Variants in NBPF12 observed in about 807,000 individuals in gnomAD.
NBPF12 encodes the protein NBPF family member NBPF12.
A neutral mutation model predicts 146.4 loss-of-function variants in NBPF12; 115 were observed. That is an observed-to-expected ratio of 0.79 (90% CI 0.68 to 0.92). The LOEUF is 0.92. Ranked by LOEUF, NBPF12 falls within the 40% of genes least tolerant of loss-of-function variation. The probability of loss-of-function intolerance (pLI) is 0.00; values close to 1 mark genes in which losing one functional copy is unlikely to be tolerated. For missense variants in NBPF12, 1,205 were observed against 1,326.8 expected (o/e 0.91, Z 1.43); for synonymous variants, 385 against 508.9 (o/e 0.76, Z 3.28).
exon 7 of NBPF12, chr1:146,964,364 T>A (rs1553885236): frequency 6.3e-7 from 1 of 1,588,414 alleles, no homozygotes; most frequent in Non-Finnish European, 8.6e-7. Context: ...TAGAAAATGA[T>A]GAAGATGAGG....
chr1:146,950,671 ATGT>A (rs1282983234), intron 1 of NBPF12, among the ~76,000 whole-genome samples: 1 of 152,062 alleles, frequency 6.6e-6, no homozygotes, highest in Non-Finnish European at 1.5e-5. Flanking sequence ...AGATTCATCC[ATGT>A]TGTTTTGTGT....
chr1:146,960,604 G>A (rs1171224649), intron 4 of NBPF12, among the ~76,000 whole-genome samples: 2,464 of 151,494 alleles, frequency 0.016, 78 homozygotes, highest in African/African-American at 0.057. Flanking sequence ...AGGCTCAATC[G>A]TGTTTTCAAG....
At chr1:146,984,614 T>TGTGTGTGTGTGTGTGTGC (rs1657624452) in intron 21 of NBPF12, among the ~76,000 whole-genome samples, 199 bp from the exon 25 acceptor site, 1 of 144,010 alleles carries the variant, frequency 6.9e-6, no homozygotes, top group Non-Finnish European at 1.5e-5. Context: ...TGTGTGTGTG[T>TGTGTGTGTGTGTGTGTGC]GTGTGTGTGT....
chr1:146,994,707 A>G, exon 34 of NBPF12: 1 of 1,451,034 alleles, frequency 6.9e-7, no homozygotes, highest in Non-Finnish European at 9.2e-7. Flanking sequence ...CTCTATTCCT[A>G]TTCTCAGAGC....
intron 19 of NBPF12, among the ~76,000 whole-genome samples, chr1:146,979,586 C>CA (rs1453842255): frequency 6.1e-5 from 1 of 16,320 alleles, no homozygotes; most frequent in African/African-American, 3.9e-4. Flanking sequence ...TCCCAGTAGT[C>CA]ATTCAGGAGC....
intron 10 of NBPF12, among the ~76,000 whole-genome samples, chr1:146,968,879 A>T (rs1656378606): frequency 6.6e-6 from 1 of 151,078 alleles, no homozygotes; most frequent in African/African-American, 2.5e-5. Context: ...GACCCCACTT[A>T]CCCTTAGTGA....
At chr1:146,949,796 C>T (rs1388563856) in intron 1 of NBPF12, among the ~76,000 whole-genome samples, 2 of 151,924 alleles carry the variant, frequency 1.3e-5, no homozygotes, top group South Asian at 4.2e-4. Context: ...AGCAGGGAGA[C>T]ACTCTACTCT....
intron 13 of NBPF12, 70 bp from the exon 17 acceptor site, chr1:146,972,681 C>T (rs1164364726): frequency 2.4e-6 from 3 of 1,230,798 alleles, no homozygotes; most frequent in East Asian, 2.3e-5. Flanking sequence ...TGACATCCCT[C>T]AGTCCTGATT....
chr1:146,962,892 T>C (rs1386182564), intron 5 of NBPF12, among the ~76,000 whole-genome samples: 2 of 151,442 alleles, frequency 1.3e-5, no homozygotes, highest in East Asian at 1.9e-4. Context: ...ATCGAGGATC[T>C]TGCAGGAGCC....
exon 28 of NBPF12, chr1:146,989,616 G>A (rs1458349575): frequency 6.2e-7 from 1 of 1,602,774 alleles, no homozygotes; most frequent in African/African-American, 1.3e-5. Flanking sequence ...CTGAAGTCTT[G>A]CAGGACTCAC....
intron 1 of NBPF12, among the ~76,000 whole-genome samples, chr1:146,940,810 G>C (rs1325158043): frequency 1.3e-5 from 2 of 151,820 alleles, no homozygotes; most frequent in African/African-American, 4.9e-5. Flanking sequence ...TGTTATTCTC[G>C]TAGAGGTGCA....
intron 21 of NBPF12, 84 bp from the exon 25 acceptor site, chr1:146,984,729 C>G: frequency 1.2e-6 from 1 of 822,710 alleles, no homozygotes. Context: ...CAAACTCTTC[C>G]TTATGTTAGC....
Position 146,966,752 on chromosome 1 carries a change from A to T in NBPF12, c.988+79A>T, listed in dbSNP as rs1213138326. On this transcript the variant is annotated intron_variant, in intron 9 of 33. Transcript: ENST00000617844. ...CTCTGAGAAACTAAGTGCTCTCTCC[A>T]TCAAAAATAATGTCATCCTCCCCAT... 5.9e-6 allele frequency: 5 copies of T among 846,254 alleles called. No individual in the cohort carries two copies. The East Asian group carries it at 9.6e-5, about 16-fold the overall frequency. 52.4% of individuals were successfully genotyped at this position (846,254 alleles called of 1,614,324 possible). A position where few individuals can be genotyped will look rare whatever the true frequency, so the allele number is the denominator to read the frequency against.
At chr1:146,964,539 C>A (rs2101854560) in intron 7 of NBPF12, 110 bp downstream of exon 10, 1 of 1,554,838 alleles carries the variant, frequency 6.4e-7, no homozygotes, top group Non-Finnish European at 8.9e-7. Context: ...TTCCCTTGGC[C>A]ACAGTATGTG....
At chr1:146,995,965 C>G (rs1481327754) in exon 34 of NBPF12, 1 of 150,356 alleles carries the variant, frequency 6.7e-6, no homozygotes, top group Non-Finnish European at 1.5e-5. Flanking sequence ...TTTTGGGTCT[C>G]AATTTTTACT....
At chr1:146,967,505 A>C (rs1279069716) in intron 9 of NBPF12, among the ~76,000 whole-genome samples, 1 of 147,232 alleles carries the variant, frequency 6.8e-6, no homozygotes, top group African/African-American at 2.7e-5. Context: ...TTAAAAAAAA[A>C]TAATAATGAT....
intron 19 of NBPF12, among the ~76,000 whole-genome samples, chr1:146,979,790 T>C (rs1174411596): frequency 4.2e-4 from 9 of 21,678 alleles, no homozygotes; most frequent in Admixed American, 1.5e-3. Context: ...ATGTATATTC[T>C]GTTGATTTGG....
chr1:146,951,410 A>C, exon 2 of NBPF12: 1 of 659,358 alleles, frequency 1.5e-6, no homozygotes, highest in Non-Finnish European at 2.7e-6. Flanking sequence ...AGATCTTGCT[A>C]AGATTTACTG....
chr1:146,964,459 G>C, intron 7 of NBPF12, 30 bp downstream of exon 10: 1 of 1,595,514 alleles, frequency 6.3e-7, no homozygotes, highest in East Asian at 2.2e-5. Context: ...AGCAAGTAAT[G>C]GGTGGTAACA....
Sources: allele counts gnomAD v4.1 joint callset (sites outside exome capture counted in the v4.1 genomes callset), GRCh38; gene constraint gnomAD v4.1.1; transcripts MANE v1.5; gene names NCBI Gene and HGNC (gene_info 2026-07-23, HGNC 2026-07-21).